PRLR: variants seen among roughly 807,000 people sequenced by gnomAD.
PRLR encodes the protein hPRL receptor.
In PRLR, 13 loss-of-function variants were observed where a neutral mutation model predicts 40.2. That is an observed-to-expected ratio of 0.32 (90% CI 0.21 to 0.51). PRLR has a LOEUF of 0.51. PRLR is among the 20% of genes least tolerant of loss of function. The probability of loss-of-function intolerance (pLI) is 0.97; values close to 1 mark genes in which losing one functional copy is unlikely to be tolerated. For synonymous variants in PRLR, 269 were observed against 278.7 expected (o/e 0.97, Z 0.35); for missense variants, 656 against 747.3 (o/e 0.88, Z 1.42).
At chr5:35,072,439 C>G (rs529694611) in intron 6 of PRLR, 136 bp downstream of exon 6, 1 of 977,822 alleles carries the variant, frequency 1.0e-6, no homozygotes, top group Admixed American at 2.5e-5. Flanking sequence ...GGGCTTTTCA[C>G]ATCTGGGTGG....
intron 1 of PRLR, among the ~76,000 whole-genome samples, chr5:35,120,624 T>A (rs144115234): frequency 3.6e-4 from 55 of 152,270 alleles, no homozygotes; most frequent in African/African-American, 1.3e-3. Context: ...TTTATATACT[T>A]GAGTATTGTG....
At chr5:35,141,919 C>CT (rs1178493029) in intron 1 of PRLR, among the ~76,000 whole-genome samples, 1 of 152,232 alleles carries the variant, frequency 6.6e-6, no homozygotes, top group Non-Finnish European at 1.5e-5. Context: ...TTCCCGTCTC[C>CT]TCCACTCTGT....
At chr5:35,068,176 G>A (rs768000472) in intron 9 of PRLR, 40 bp downstream of exon 9, 87 of 1,509,834 alleles carry the variant, frequency 5.8e-5, no homozygotes, top group Non-Finnish European at 7.9e-5. Flanking sequence ...TTACTACAGA[G>A]CAGTGAGTCA....
At chr5:35,165,521 G>A (rs1474579588) in intron 1 of PRLR, among the ~76,000 whole-genome samples, 4 of 152,172 alleles carry the variant, frequency 2.6e-5, no homozygotes, top group Non-Finnish European at 5.9e-5. Flanking sequence ...CATTTGAGAT[G>A]TCTATTGAAA....
At chr5:35,171,466 T>C (rs1041700425) in intron 1 of PRLR, among the ~76,000 whole-genome samples, 1 of 152,180 alleles carries the variant, frequency 6.6e-6, no homozygotes, top group African/African-American at 2.4e-5. Flanking sequence ...GTAACTCCTG[T>C]GTGAGCATAG....
chr5:35,121,937 G>A (rs1773306823), intron 1 of PRLR, among the ~76,000 whole-genome samples: 1 of 152,266 alleles, frequency 6.6e-6, no homozygotes, highest in South Asian at 2.1e-4. Flanking sequence ...AGGTGCTGAT[G>A]ATAGAGCTGT....
chr5:35,070,324 T>C (rs1258462985), intron 6 of PRLR, 59 bp from the exon 7 acceptor site: 2 of 1,578,510 alleles, frequency 1.3e-6, no homozygotes, highest in East Asian at 4.5e-5. Context: ...AGAAAGAGAG[T>C]TTTCCCCTAA....
chr5:35,069,917 T>C (rs1769632447), intron 7 of PRLR, among the ~76,000 whole-genome samples: 1 of 152,252 alleles, frequency 6.6e-6, no homozygotes, highest in African/African-American at 2.4e-5. Context: ...GTCTGTAGCC[T>C]TATCCTAAAA....
At chr5:35,130,191 C>T (rs1579708965) in intron 1 of PRLR, 1 of 152,186 alleles carries the variant, frequency 6.6e-6, no homozygotes, top group East Asian at 1.9e-4. Context: ...TATGACCCCT[C>T]CCCATTGCAA....
At chr5:35,131,316 A>C (rs1168972984) in intron 1 of PRLR, among the ~76,000 whole-genome samples, 1 of 152,146 alleles carries the variant, frequency 6.6e-6, no homozygotes, top group Non-Finnish European at 1.5e-5. Flanking sequence ...TCAACTCCAA[A>C]GGGGATGGCA....
chr5:35,133,824 C>G (rs573911216), intron 1 of PRLR, among the ~76,000 whole-genome samples: 167 of 152,260 alleles, frequency 1.1e-3, no homozygotes, highest in African/African-American at 3.9e-3. Context: ...TCATTTTTGC[C>G]AAGTGGTCAT....
chr5:35,144,450 A>T (rs770386313), intron 1 of PRLR, among the ~76,000 whole-genome samples: 31 of 152,050 alleles, frequency 2.0e-4, no homozygotes, highest in Non-Finnish European at 2.1e-4. Flanking sequence ...TTTATTTTAA[A>T]TTTTAATTTA....
chr5:35,134,870 C>T (rs1415456530), intron 1 of PRLR, among the ~76,000 whole-genome samples: 10 of 152,140 alleles, frequency 6.6e-5, no homozygotes, highest in Non-Finnish European at 1.0e-4. Context: ...CGTGGGGTGC[C>T]GCCTGAGGGT....
At chr5:35,071,899 C>CTTT (rs560918362) in intron 6 of PRLR, among the ~76,000 whole-genome samples, 9,907 of 143,866 alleles carry the variant, frequency 0.069, 384 homozygotes, top group Middle Eastern at 0.12. Context: ...TGAGCCCAGC[C>CTTT]TTTTTTTTTT....
Position 35,066,004 on chromosome 5 carries a change from A to T in PRLR, c.954T>A (p.Asp318Glu), listed in dbSNP as rs779207938. 3 of 1,614,184 alleles carry T rather than the reference A, an allele frequency of 1.9e-6. No homozygotes were observed. Among genetic ancestry groups the T allele is most frequent in the Admixed American group, 3.3e-5 (2 of 60,026 alleles). The change falls in exon 10 of 10, where the codon GAT becomes GAA. Residue 318 changes from aspartate (D) to glutamate (E), a missense_variant. Asp to Glu is a conservative substitution (Grantham distance 45). This residue lies in a region of PRLR where 469 missense variants were observed against 491.5 expected (regional missense o/e 0.95). Transcript: ENST00000618457. ...EDLLVEYLEV[D>E]DSEDQHLMSV... Reference sequence around the variant, plus strand: ...ACATTAGATGCTGGTCCTCACTATCATCTACTTCTAAATACTCCACCAGCA... The same window carrying T: ...ACATTAGATGCTGGTCCTCACTATCTTCTACTTCTAAATACTCCACCAGCA...
intron 1 of PRLR, among the ~76,000 whole-genome samples, chr5:35,121,146 G>A (rs150077405): frequency 6.6e-6 from 1 of 152,300 alleles, no homozygotes; most frequent in African/African-American, 2.4e-5. Context: ...CATTCTAGTG[G>A]TGACTACTGT....
intron 1 of PRLR, among the ~76,000 whole-genome samples, chr5:35,136,043 C>T (rs188154803): frequency 2.6e-5 from 4 of 152,282 alleles, no homozygotes; most frequent in East Asian, 3.9e-4. Context: ...AGTAGAAAAA[C>T]GGCAGTGTGG....
intron 1 of PRLR, among the ~76,000 whole-genome samples, chr5:35,190,577 C>T (rs1775573119): frequency 6.6e-6 from 1 of 151,716 alleles, no homozygotes; most frequent in African/African-American, 2.4e-5. Context: ...TGTGCCACTG[C>T]ACTCCAGCAT....
At chr5:35,155,887 CT>C (rs993447096) in intron 1 of PRLR, among the ~76,000 whole-genome samples, 4 of 152,188 alleles carry the variant, frequency 2.6e-5, no homozygotes, top group African/African-American at 9.7e-5. Context: ...TTCTCTCCCG[CT>C]GTAAATATTA....
Sources: allele counts gnomAD v4.1 joint callset (sites outside exome capture counted in the v4.1 genomes callset), GRCh38; gene constraint gnomAD v4.1.1; regional missense constraint gnomAD v4.1.1; transcripts MANE v1.5; gene names NCBI Gene and HGNC (gene_info 2026-07-23, HGNC 2026-07-21).